NKAIN3: variants seen among roughly 807,000 people sequenced by gnomAD.
NKAIN3 encodes the protein sodium/potassium-transporting ATPase subunit beta-1-interacting protein 3.
A neutral mutation model predicts 30.2 loss-of-function variants in NKAIN3; 25 were observed. That is an observed-to-expected ratio of 0.83 (90% confidence interval 0.60 to 1.16). NKAIN3 has a LOEUF of 1.16. Among genes scored for constraint, NKAIN3 ranks in the 50% most tolerant of loss-of-function variants. The pLI is 0.00. For missense variants in NKAIN3, 225 were observed against 254.1 expected, an observed-to-expected ratio of 0.89 and a Z score of 0.78; for synonymous variants, 91 against 89.6, an observed-to-expected ratio of 1.02 and a Z score of -0.09.
chr8:62,870,707 ATATC>A (rs1225129569), intron 4 of NKAIN3, among the ~76,000 whole-genome samples: 3 of 145,250 alleles, frequency 2.1e-5, no homozygotes, highest in Non-Finnish European at 4.5e-5. Context: ...ATATATCTAT[ATATC>A]TATATCTCTA....
chr8:62,794,849 C>T (rs2130679970), intron 4 of NKAIN3, among the ~76,000 whole-genome samples: 1 of 152,212 alleles, frequency 6.6e-6, no homozygotes, highest in Non-Finnish European at 1.5e-5. Flanking sequence ...AGCTGAAGAG[C>T]ACAGCACTAG....
chr8:62,884,753 T>G (rs1028875890), intron 4 of NKAIN3, among the ~76,000 whole-genome samples: 7 of 152,204 alleles, frequency 4.6e-5, no homozygotes, highest in African/African-American at 1.7e-4. Flanking sequence ...CTGGTTTATC[T>G]AGGTGGTCCA....
At chr8:62,497,067 T>A (rs1807265031) in intron 1 of NKAIN3, among the ~76,000 whole-genome samples, 1 of 152,138 alleles carries the variant, frequency 6.6e-6, no homozygotes, top group African/African-American at 2.4e-5. Flanking sequence ...GACATTTTCC[T>A]AATGATACAG....
intron 4 of NKAIN3, among the ~76,000 whole-genome samples, chr8:62,870,778 T>G (rs1383819905): frequency 6.7e-6 from 1 of 148,504 alleles, no homozygotes; most frequent in Non-Finnish European, 1.5e-5. Flanking sequence ...TATAGAGAGA[T>G]ATATATTGTA....
intron 4 of NKAIN3, among the ~76,000 whole-genome samples, chr8:62,883,070 A>T (rs1821035006): frequency 6.6e-6 from 1 of 152,140 alleles, no homozygotes; most frequent in African/African-American, 2.4e-5. Context: ...TATAAACTGT[A>T]GATTTGGTTG....
At chr8:62,945,433 C>G (rs72656519) in intron 5 of NKAIN3, among the ~76,000 whole-genome samples, 3,553 of 152,234 alleles carry the variant, frequency 0.023, 60 homozygotes, top group South Asian at 0.033. Flanking sequence ...TTAACATCAG[C>G]ATACAAAATT....
chr8:62,492,325 C>T (rs1232171784), intron 1 of NKAIN3, among the ~76,000 whole-genome samples: 4 of 152,088 alleles, frequency 2.6e-5, no homozygotes, highest in Non-Finnish European at 5.9e-5. Flanking sequence ...CTTGGTAGTA[C>T]ACCTGAATTA....
At chr8:62,598,092 T>G (rs1432441774) in intron 3 of NKAIN3, among the ~76,000 whole-genome samples, 1 of 152,024 alleles carries the variant, frequency 6.6e-6, no homozygotes, top group African/African-American at 2.4e-5. Context: ...TTCAGTTTCC[T>G]TACTCCTTAG....
chr8:62,379,234 T>C (rs1010928198), intron 1 of NKAIN3, among the ~76,000 whole-genome samples: 1 of 152,218 alleles, frequency 6.6e-6, no homozygotes, highest in African/African-American at 2.4e-5. Context: ...ACCCCGATTG[T>C]ATCTAGGAAG....
rs1811980682 is a variant in NKAIN3 at position 62,248,903 on chromosome 8, G to GCCCCGCCA, written c.-171_-170insCCCCGCCA. 5 of 574,646 alleles carry GCCCCGCCA rather than the reference G, an allele frequency of 8.7e-6. No individual in the cohort carries two copies. Among genetic ancestry groups the GCCCCGCCA allele is most frequent in the Non-Finnish European group, 1.5e-5 (5 of 341,738 alleles). The allele number at this position is 574,646 out of a possible 1,614,324, so 35.6% of individuals were successfully genotyped here. ...CGCACTGACCTCGGCCCGCCCCGCC[G>GCCCCGCCA]GGAAACTAACAAAGGCGGGCGCGAG... On this transcript the variant is annotated 5_prime_UTR_variant, in exon 1 of 7. Coordinates refer to ENST00000623646, the MANE Select transcript of NKAIN3 (RefSeq NM_001304533.3).
At chr8:62,879,121 C>T (rs1436801193) in intron 4 of NKAIN3, among the ~76,000 whole-genome samples, 1 of 152,186 alleles carries the variant, frequency 6.6e-6, no homozygotes, top group Non-Finnish European at 1.5e-5. Context: ...AGTTTACAGT[C>T]CCACCAACAG....
chr8:62,428,838 C>A (rs1382426524), intron 1 of NKAIN3, among the ~76,000 whole-genome samples: 1 of 151,676 alleles, frequency 6.6e-6, no homozygotes, highest in Non-Finnish European at 1.5e-5. Flanking sequence ...TTGATGAAAT[C>A]TTGTTTGTCA....
chr8:62,691,116 A>G lies in NKAIN3; in HGVS notation c.274-55816A>G, dbSNP rs184813117. On this transcript the variant is annotated intron_variant, in intron 3 of 6. Coordinates refer to ENST00000623646, the MANE Select transcript of NKAIN3 (RefSeq NM_001304533.3). ...TATTTTAGAGTTTTTCACAGTTTCA[A>G]GTACGTAGTTCAGTGTTTGTCTTAT... 4.9e-3 allele frequency among the ~76,000 whole-genome samples: 742 copies of G among 152,306 alleles called. 4 individuals are homozygous for G. The highest frequency in any genetic ancestry group is 0.012 in the South Asian group (58 of 4,826).
In NKAIN3 at chr8:62,881,609, A is replaced by G. The variant is rs188188764; in HGVS notation, c.472-36844A>G. Among the ~76,000 whole-genome samples the G allele has an allele frequency of 3.8e-3, 586 of 152,314 alleles. 5 individuals carry two copies. The highest frequency in any genetic ancestry group is 6.8e-3 in the Middle Eastern group (2 of 294). ...TTTTAGACCGCATATTTCATTGTCT[A>G]GATATACCACAGTTTATCCATTCAC... On this transcript the variant is annotated intron_variant, in intron 4 of 6. Coordinates refer to ENST00000623646, the MANE Select transcript of NKAIN3 (RefSeq NM_001304533.3).
At chr8:62,950,741 T>A (rs1823260895) in intron 5 of NKAIN3, among the ~76,000 whole-genome samples, 1 of 152,172 alleles carries the variant, frequency 6.6e-6, no homozygotes, top group Admixed American at 6.5e-5. Flanking sequence ...ATGTCCTAAT[T>A]TGGTTAAAAC....
At chr8:62,719,718 C>G (rs1265584628) in intron 3 of NKAIN3, among the ~76,000 whole-genome samples, 4 of 151,004 alleles carry the variant, frequency 2.6e-5, no homozygotes, top group Admixed American at 2.0e-4. Flanking sequence ...GTTAACATTT[C>G]CTGTAATCTT....
At chr8:62,749,132 C>A (rs935454933) in intron 4 of NKAIN3, among the ~76,000 whole-genome samples, 2 of 152,038 alleles carry the variant, frequency 1.3e-5, no homozygotes, top group African/African-American at 2.4e-5. Flanking sequence ...AGATTACTCT[C>A]CTTTAAAAAA....
intron 3 of NKAIN3, among the ~76,000 whole-genome samples, chr8:62,680,731 T>C (rs1479265048): frequency 6.6e-6 from 1 of 152,140 alleles, no homozygotes; most frequent in African/African-American, 2.4e-5. Flanking sequence ...TGTGTGTGTG[T>C]GCACTTTAAT....
At chr8:62,373,067 A>G (rs1193553434) in intron 1 of NKAIN3, among the ~76,000 whole-genome samples, 1 of 152,128 alleles carries the variant, frequency 6.6e-6, no homozygotes, top group Non-Finnish European at 1.5e-5. Context: ...TTGAGAAAAT[A>G]GTCTTGGGTT....
Sources: gnomAD v4.1 joint callset for allele counts (sites outside exome capture counted in the v4.1 genomes callset) on GRCh38, gnomAD v4.1.1 for gene constraint, MANE v1.5 for transcripts, NCBI Gene and HGNC (gene_info 2026-07-23, HGNC 2026-07-21) for gene names.